Variants in SNTA1 observed in about 807,000 individuals in gnomAD.
SNTA1 encodes the protein syntrophin alpha 1.
A neutral mutation model predicts 47.1 loss-of-function variants in SNTA1; 31 were observed. That is an observed-to-expected ratio of 0.66 (90% CI 0.49 to 0.89). The LOEUF (loss-of-function observed/expected upper bound fraction) is 0.89, where lower values mean the gene tolerates loss of function less well. Among genes scored for constraint, SNTA1 ranks in the 40% least tolerant of loss-of-function variants. The pLI, the probability that SNTA1 is intolerant of heterozygous loss-of-function variation, is 0.00. For synonymous variants in SNTA1, 300 were observed against 313.6 expected (o/e 0.96, Z 0.46); for missense variants, 575 against 693.0 (o/e 0.83, Z 1.91).
chr20:33,436,963 C>CAA lies in SNTA1; in HGVS notation c.496+1876_496+1877dup, dbSNP rs1208975922. ...TGGGCGACAGAGTAAGACTCCATCT[C>CAA]AAAAAAAAAAAAAAAAAAAAGCTAG... On this transcript the variant is annotated intron_variant, in intron 2 of 7. Transcript: ENST00000217381. 7.1e-3 allele frequency among the ~76,000 whole-genome samples: 379 copies of CAA among 53,138 alleles called. 8 individuals are homozygous for CAA. Among genetic ancestry groups the CAA allele is most frequent in the African/African-American group, 0.024 (333 of 13,600 alleles). 34.9% of individuals were successfully genotyped at this position (53,138 alleles called of 152,430 possible). A position where few individuals can be genotyped will look rare whatever the true frequency, so the allele number is the denominator to read the frequency against.
intron 2 of SNTA1, among the ~76,000 whole-genome samples, chr20:33,422,104 C>T (rs1158701698): frequency 6.6e-6 from 1 of 151,924 alleles, no homozygotes; most frequent in South Asian, 2.1e-4. Context: ...CCTAGGTCTC[C>T]GATTCTGTGT....
At chr20:33,438,693 C>T (rs1481686349) in intron 2 of SNTA1, 148 bp downstream of exon 2, 4 of 761,636 alleles carry the variant, frequency 5.3e-6, no homozygotes, top group East Asian at 4.9e-5. Context: ...TGTCTTCAGG[C>T]AGGTCCCCAA....
intron 2 of SNTA1, among the ~76,000 whole-genome samples, chr20:33,432,951 A>G (rs930607628): frequency 4.0e-5 from 6 of 151,234 alleles, no homozygotes; most frequent in African/African-American, 9.7e-5. Flanking sequence ...TTTTTTTGAG[A>G]TAGAGACTCA....
intron 2 of SNTA1, among the ~76,000 whole-genome samples, chr20:33,419,614 G>T (rs1192704297): frequency 6.6e-6 from 1 of 152,110 alleles, no homozygotes; most frequent in African/African-American, 2.4e-5. Context: ...TGTCTCAAAG[G>T]GCAGCAGAAG....
intron 2 of SNTA1, among the ~76,000 whole-genome samples, chr20:33,424,911 T>C (rs950991791): frequency 6.6e-6 from 1 of 151,356 alleles, no homozygotes; most frequent in Non-Finnish European, 1.5e-5. Flanking sequence ...GGTCAAGAGA[T>C]TAAGACCATC....
At chr20:33,430,880 C>T (rs1028852057) in intron 2 of SNTA1, among the ~76,000 whole-genome samples, 1 of 150,824 alleles carries the variant, frequency 6.6e-6, no homozygotes, top group African/African-American at 2.4e-5. Context: ...ACTGGGGAGG[C>T]GCAGATTGCA....
intron 2 of SNTA1, among the ~76,000 whole-genome samples, chr20:33,423,764 A>G (rs1026904807): frequency 9.2e-5 from 14 of 152,204 alleles, no homozygotes; most frequent in African/African-American, 3.4e-4. Context: ...TTTGGGCAAC[A>G]GGATCTCCAG....
Position 33,408,369 on chromosome 20 carries a change from C to T in SNTA1, c.*138G>A, listed in dbSNP as rs1050601127. On this transcript the variant is annotated 3_prime_UTR_variant, in exon 8 of 8. Transcript: ENST00000217381. ...GGGCCCCAAGACCAATCCAGTCTCCCTCAGGGTTGGGGTTTCGGAGGCCCT... is the reference window on the plus strand; with the variant it reads ...GGGCCCCAAGACCAATCCAGTCTCCTTCAGGGTTGGGGTTTCGGAGGCCCT... The T allele has an allele frequency of 5.0e-5, 36 of 718,508 alleles. No individual in the cohort carries two copies. The highest frequency in any genetic ancestry group is 2.0e-4 in the Admixed American group (10 of 49,644). The allele number at this position is 718,508 out of a possible 1,614,324, so 44.5% of individuals were successfully genotyped here. A position where few individuals can be genotyped will look rare whatever the true frequency, so the allele number is the denominator to read the frequency against.
chr20:33,419,093 G>T (rs1235299426), intron 2 of SNTA1, among the ~76,000 whole-genome samples: 6 of 151,990 alleles, frequency 3.9e-5, no homozygotes, highest in Middle Eastern at 3.4e-3. Context: ...GGACGATGAA[G>T]TGCGACTGCC....
chr20:33,410,254 C>A lies in SNTA1; in HGVS notation c.1118G>T (p.Arg373Leu), dbSNP rs754648214. Residue 373 changes from arginine to leucine, a missense_variant, in exon 6 of 8, where the codon CGT becomes CTT. By Grantham distance (102) the Arg-to-Leu change is moderately radical. Transcript: ENST00000217381. ...ELSFALRTGT[R>L]HGVDTHLFSV... Reference sequence around the variant, plus strand: ...GAACAGGTGAGTGTCCACACCGTGACGCGTGCCCGTGCGCAGGGCAAAAGA... The same window carrying A: ...GAACAGGTGAGTGTCCACACCGTGAAGCGTGCCCGTGCGCAGGGCAAAAGA... 1 of 1,613,372 alleles carries A rather than the reference C, an allele frequency of 6.2e-7. No homozygotes were observed. Among genetic ancestry groups the A allele is most frequent in the Non-Finnish European group, 8.5e-7 (1 of 1,179,910 alleles).
intron 2 of SNTA1, among the ~76,000 whole-genome samples, chr20:33,419,698 C>T (rs931955481): frequency 1.3e-5 from 2 of 152,138 alleles, no homozygotes; most frequent in Non-Finnish European, 2.9e-5. Context: ...GAACCCTGAG[C>T]CCTAGAGGCT....
intron 1 of SNTA1, 123 bp from the exon 2 acceptor site, chr20:33,439,149 G>A (rs952474183): frequency 2.6e-5 from 23 of 879,708 alleles, no homozygotes; most frequent in Non-Finnish European, 3.8e-6. Flanking sequence ...AAAAGGCAAT[G>A]GGAGAATAAA....
At chr20:33,428,127 C>T (rs2146790814) in intron 2 of SNTA1, among the ~76,000 whole-genome samples, 1 of 152,168 alleles carries the variant, frequency 6.6e-6, no homozygotes. Flanking sequence ...GAATGAGGGG[C>T]CGGGCACAGT....
Position 33,443,590 on chromosome 20 carries a change from C to T in SNTA1, c.31G>A (p.Gly11Arg). The change falls in exon 1 of 8, where the codon GGG (glycine) becomes AGG (arginine). Residue 11 changes from glycine to arginine, a missense_variant. Gly to Arg is a moderately radical substitution (Grantham distance 125, BLOSUM62 -2). Coordinates refer to ENST00000217381, the MANE Select transcript of SNTA1 (RefSeq NM_003098.3). Reference protein sequence around the residue: MASGRRAPRTGLLELRAGAGS... With the variant: MASGRRAPRTRLLELRAGAGS... ...GCCCCGGCGCGCAGCTCCAGCAGCC[C>T]GGTGCGCGGGGCGCGCCTGCCGGAC... The T allele has an allele frequency of 7.9e-7, 1 of 1,262,550 alleles. No homozygotes were observed. The highest frequency in any genetic ancestry group is 2.3e-5 in the South Asian group (1 of 43,126). 78.2% of individuals were successfully genotyped at this position (1,262,550 alleles called of 1,614,324 possible).
chr20:33,408,926 C>T, intron 6 of SNTA1, 38 bp from the exon 7 acceptor site: 1 of 1,584,530 alleles, frequency 6.3e-7, no homozygotes, highest in Non-Finnish European at 8.7e-7. Context: ...ACAGCTGGCA[C>T]CTCAGAGACT....
intron 2 of SNTA1, among the ~76,000 whole-genome samples, chr20:33,421,938 C>A (rs1192820026): frequency 8.7e-6 from 1 of 115,526 alleles, no homozygotes; most frequent in African/African-American, 3.5e-5. Flanking sequence ...GCCTGGGCGA[C>A]AGAGCAAGAC....
intron 3 of SNTA1, among the ~76,000 whole-genome samples, chr20:33,413,336 C>T (rs1989793014): frequency 6.6e-6 from 1 of 151,984 alleles, no homozygotes; most frequent in Non-Finnish European, 1.5e-5. Context: ...ACCAAGTTGG[C>T]CAGGCTGGTC....
Position 33,443,569 on chromosome 20 carries a change from C to T in SNTA1, c.52G>A (p.Gly18Arg), listed in dbSNP as rs1131691995. The part of the protein sequence containing the change: ...PRTGLLELRA[G>R]AGSGAGGERW... The stretch of plus-strand genomic sequence containing the variant: ...TCGCCGCCGGCCCCCGAGCCCGCCC[C>T]GGCGCGCAGCTCCAGCAGCCCGGTG... Residue 18 changes from glycine to arginine, a missense_variant, in exon 1 of 8, where the codon GGG (glycine) becomes AGG (arginine). By Grantham distance (125) the Gly-to-Arg change is moderately radical. Transcript: ENST00000217381. The T allele has an allele frequency of 6.1e-6, 8 of 1,321,250 alleles. 1 individual carries two copies. Among genetic ancestry groups the T allele is most frequent in the Non-Finnish European group, 7.8e-6 (8 of 1,028,098 alleles). 81.8% of individuals were successfully genotyped at this position (1,321,250 alleles called of 1,614,324 possible).
rs139532210 is a variant in SNTA1, at chr20:33,439,032, C to G, written c.311-6G>C. ...CATCTTGTTCTCCCGGCCGCCTGCA[C>G]AGGTACAGAAGGAGGACAAGACTTA... On this transcript the variant is annotated splice_region_variant and splice_polypyrimidine_tract_variant and intron_variant, in intron 1 of 7. Coordinates refer to ENST00000217381, the MANE Select transcript of SNTA1 (RefSeq NM_003098.3). 621 of 1,613,802 alleles carry G rather than the reference C, an allele frequency of 3.8e-4. 4 individuals carry two copies. The African/African-American group carries it at 7.7e-3, about 20-fold the overall frequency.
Sources: allele counts gnomAD v4.1 joint callset (sites outside exome capture counted in the v4.1 genomes callset), GRCh38; gene constraint gnomAD v4.1.1; transcripts MANE v1.5; gene names NCBI Gene and HGNC (gene_info 2026-07-23, HGNC 2026-07-21).